Variants in CNBD1 observed in about 807,000 individuals in gnomAD.
The protein encoded by CNBD1 is cyclic nucleotide-binding domain-containing protein 1.
A neutral mutation model predicts 54.4 loss-of-function variants in CNBD1; 71 were observed. That is an observed-to-expected ratio of 1.30 (90% CI 1.08 to 1.59). CNBD1 has a LOEUF of 1.59. Among genes scored for constraint, CNBD1 ranks in the 40% most tolerant of loss-of-function variants. The pLI is 0.00. For missense variants in CNBD1, 659 were observed against 518.0 expected, an observed-to-expected ratio of 1.27 and a Z score of -2.64; for synonymous variants, 182 against 170.7, an observed-to-expected ratio of 1.07 and a Z score of -0.51.
rs571807608 is a variant in CNBD1, at chr8:87,354,292, C to A, written c.1303+506C>A. On this transcript the variant is annotated intron_variant, in intron 10 of 10. Transcript: ENST00000518476. ...AATAGTAAGTGAAAGCATTCCATTG[C>A]AGCATAAACTATAAAGAAATATTTA... Among the ~76,000 whole-genome samples, 407 of 152,136 alleles carry A rather than the reference C, an allele frequency of 2.7e-3. 3 individuals are homozygous for A. Among genetic ancestry groups the A allele is most frequent in the African/African-American group, 9.6e-3 (397 of 41,498 alleles).
chr8:87,254,438 T>C (rs1292379765), intron 6 of CNBD1, among the ~76,000 whole-genome samples: 1 of 152,220 alleles, frequency 6.6e-6, no homozygotes. Context: ...TATTATAACA[T>C]GATTAAAATA....
At chr8:87,112,515 T>G (rs1811684474) in intron 4 of CNBD1, among the ~76,000 whole-genome samples, 1 of 152,150 alleles carries the variant, frequency 6.6e-6, no homozygotes, top group East Asian at 1.9e-4. Flanking sequence ...ACACTTTGCT[T>G]CATATGGTTG....
At chr8:87,082,438 G>A (rs1244458685) in intron 4 of CNBD1, among the ~76,000 whole-genome samples, 1 of 152,192 alleles carries the variant, frequency 6.6e-6, no homozygotes. Flanking sequence ...TCACAGGGAT[G>A]TGCATGACAC....
At chr8:87,354,916 A>C (rs547313940) in intron 10 of CNBD1, among the ~76,000 whole-genome samples, 1 of 152,164 alleles carries the variant, frequency 6.6e-6, no homozygotes, top group East Asian at 1.9e-4. Flanking sequence ...TTTGGGTATA[A>C]ACCCAGTAAT....
chr8:87,097,102 C>T (rs1811336197), intron 4 of CNBD1, among the ~76,000 whole-genome samples: 1 of 152,146 alleles, frequency 6.6e-6, no homozygotes, highest in South Asian at 2.1e-4. Context: ...AAGGTTTATT[C>T]AACCTTTTAG....
intron 4 of CNBD1, among the ~76,000 whole-genome samples, chr8:87,086,991 CA>C (rs1308363650): frequency 6.6e-6 from 1 of 151,564 alleles, no homozygotes; most frequent in African/African-American, 2.4e-5. Context: ...AAGATTGAAC[CA>C]GAGGTTTATA....
At chr8:87,358,198 C>A (rs1404168288) in intron 10 of CNBD1, among the ~76,000 whole-genome samples, 1 of 152,118 alleles carries the variant, frequency 6.6e-6, no homozygotes, top group Non-Finnish European at 1.5e-5. Context: ...CATAGCAATG[C>A]AAAACTGACT....
chr8:86,972,277 T>G (rs897004997), intron 4 of CNBD1, among the ~76,000 whole-genome samples: 6 of 152,140 alleles, frequency 3.9e-5, no homozygotes, highest in African/African-American at 1.4e-4. Flanking sequence ...AACATAGTAT[T>G]AAATAATTAT....
chr8:87,361,576 T>C (rs1203073617), intron 10 of CNBD1, among the ~76,000 whole-genome samples: 2 of 151,616 alleles, frequency 1.3e-5, no homozygotes, highest in East Asian at 3.9e-4. Context: ...AATCCTCAAA[T>C]ACTGGGAAAA....
chr8:87,413,003 C>A (rs778688474), intron 2 of CNBD1, among the ~76,000 whole-genome samples: 8 of 151,832 alleles, frequency 5.3e-5, no homozygotes, highest in Non-Finnish European at 1.2e-4. Flanking sequence ...ATCTTCAGGG[C>A]GAGATACAAC....
At chr8:86,979,712 GA>G (rs1808431780) in intron 4 of CNBD1, among the ~76,000 whole-genome samples, 1 of 152,108 alleles carries the variant, frequency 6.6e-6, no homozygotes, top group Non-Finnish European at 1.5e-5. Context: ...TTTTTATTTA[GA>G]AATAATATGT....
At chr8:87,320,141 A>C (rs966688065) in intron 8 of CNBD1, among the ~76,000 whole-genome samples, 4 of 152,042 alleles carry the variant, frequency 2.6e-5, no homozygotes, top group Non-Finnish European at 5.9e-5. Flanking sequence ...AAAAGAGAAA[A>C]AATTAAAAAC....
intron 5 of CNBD1, among the ~76,000 whole-genome samples, chr8:87,226,865 G>C (rs955019984): frequency 6.6e-6 from 1 of 151,176 alleles, no homozygotes; most frequent in Non-Finnish European, 1.5e-5. Context: ...TTATTAATGT[G>C]TGGGAATCTG....
At chr8:87,403,067 T>C (rs1807595209) in intron 2 of CNBD1, among the ~76,000 whole-genome samples, 1 of 152,034 alleles carries the variant, frequency 6.6e-6, no homozygotes, top group African/African-American at 2.4e-5. Flanking sequence ...AATAAATGGC[T>C]TTTCAGGTTT....
intron 4 of CNBD1, among the ~76,000 whole-genome samples, chr8:87,040,000 C>T (rs1252109135): frequency 6.6e-6 from 1 of 152,198 alleles, no homozygotes; most frequent in Non-Finnish European, 1.5e-5. Context: ...CCATCAAATA[C>T]AGGGTCTGCA....
chr8:87,161,718 A>T (rs536940420), intron 4 of CNBD1, among the ~76,000 whole-genome samples: 1 of 152,164 alleles, frequency 6.6e-6, no homozygotes, highest in East Asian at 1.9e-4. Flanking sequence ...TAACTTATTC[A>T]GACAATGTAT....
At chr8:87,019,277 A>C (rs1406670503) in intron 4 of CNBD1, among the ~76,000 whole-genome samples, 1 of 152,230 alleles carries the variant, frequency 6.6e-6, no homozygotes, top group Non-Finnish European at 1.5e-5. Context: ...ATGCCTGTCC[A>C]CATCCATTTT....
chr8:87,339,421 T>C (rs1457181591), intron 8 of CNBD1, among the ~76,000 whole-genome samples: 1 of 152,260 alleles, frequency 6.6e-6, no homozygotes. Flanking sequence ...TTCTGCTCTG[T>C]TAAGTTTTGA....
At chr8:87,262,700 G>T (rs984915169) in intron 6 of CNBD1, among the ~76,000 whole-genome samples, 2 of 152,020 alleles carry the variant, frequency 1.3e-5, no homozygotes, top group Admixed American at 6.6e-5. Flanking sequence ...CTTTTAGCTT[G>T]GTTCTGCTAC....
Sources: gnomAD v4.1 joint callset for allele counts (sites outside exome capture counted in the v4.1 genomes callset) on GRCh38, gnomAD v4.1.1 for gene constraint, MANE v1.5 for transcripts, NCBI Gene and HGNC (gene_info 2026-07-23, HGNC 2026-07-21) for gene names.